The following DNAAF4 variants were observed in gnomAD, a reference collection of about 807,000 sequenced individuals.
The protein encoded by DNAAF4 is dynein axonemal assembly factor 4.
In DNAAF4, 43 loss-of-function variants were observed where a neutral mutation model predicts 51.8. That is an observed-to-expected ratio of 0.83 (90% confidence interval 0.65 to 1.07). DNAAF4 has a LOEUF of 1.07. Among genes scored for constraint, DNAAF4 ranks in the 50% least tolerant of loss-of-function variants. The probability of loss-of-function intolerance (pLI) is 0.00; values close to 1 mark genes in which losing one functional copy is unlikely to be tolerated. For synonymous variants in DNAAF4, 194 were observed against 165.6 expected, an observed-to-expected ratio of 1.17 and a Z score of -1.32; for missense variants, 581 against 493.0, an observed-to-expected ratio of 1.18 and a Z score of -1.69.
Position 55,443,271 on chromosome 15 carries a change from C to G in DNAAF4, c.784-3690G>C, listed in dbSNP as rs192340636. The G allele has an allele frequency of 1.5e-5, 23 of 1,563,508 alleles. No individual in the cohort carries two copies. The Admixed American group carries it at 3.9e-4, about 26-fold the overall frequency. ...AAAATGACCTCAGCGCGGGTTGCGG[C>G]TCACTACCCGGCAGGCGCCTGCCTA... On this transcript the variant is annotated intron_variant, in intron 6 of 9. Transcript: ENST00000321149.
At chr15:55,469,285 AAG>A (rs2058214415) in intron 4 of DNAAF4, among the ~76,000 whole-genome samples, 1 of 151,478 alleles carries the variant, frequency 6.6e-6, no homozygotes, top group African/African-American at 2.4e-5. Context: ...AGCCGAGATA[AAG>A]CCATTGCACT....
downstream of DNAAF4, among the ~76,000 whole-genome samples, chr15:55,427,346 G>A (rs140926481): frequency 4.4e-3 from 665 of 152,002 alleles, 4 homozygotes; most frequent in African/African-American, 0.015. Context: ...GATTACAGGC[G>A]TGAGCCACCG....
intron 5 of DNAAF4, among the ~76,000 whole-genome samples, chr15:55,452,042 T>A (rs2057940763): frequency 6.6e-6 from 1 of 150,746 alleles, no homozygotes; most frequent in African/African-American, 2.4e-5. Flanking sequence ...AGGTCAGGAG[T>A]TGGAGACCAG....
intron 6 of DNAAF4, among the ~76,000 whole-genome samples, chr15:55,440,466 C>T (rs2057691726): frequency 6.6e-6 from 1 of 152,018 alleles, no homozygotes; most frequent in Non-Finnish European, 1.5e-5. Context: ...GCAAGCTCTG[C>T]CTCCCAGGTT....
At chr15:55,487,709 A>G (rs1201388067) in intron 4 of DNAAF4, among the ~76,000 whole-genome samples, 1 of 152,036 alleles carries the variant, frequency 6.6e-6, no homozygotes, top group Non-Finnish European at 1.5e-5. Flanking sequence ...ACACACCATG[A>G]GGTATGCGGC....
intron 6 of DNAAF4, among the ~76,000 whole-genome samples, chr15:55,446,843 C>CGGT (rs1396529347): frequency 2.1e-5 from 3 of 144,272 alleles, no homozygotes; most frequent in Admixed American, 6.9e-5. Context: ...GATGGGGTGG[C>CGGT]CGGGCAGAGG....
exon 8 of DNAAF4, chr15:55,418,099 G>A: frequency 1.3e-6 from 2 of 1,584,822 alleles, no homozygotes; most frequent in Non-Finnish European, 1.7e-6. Context: ...GGGCTCAGAG[G>A]CCTGACATTC....
chr15:55,461,318 G>A (rs552040553), intron 5 of DNAAF4, among the ~76,000 whole-genome samples: 1 of 151,020 alleles, frequency 6.6e-6, no homozygotes, highest in Non-Finnish European at 1.5e-5. Context: ...GAATGGTCTC[G>A]ATCTCCTGAC....
At chr15:55,479,803 TG>T (rs2058383612) in intron 4 of DNAAF4, among the ~76,000 whole-genome samples, 1 of 152,088 alleles carries the variant, frequency 6.6e-6, no homozygotes, top group South Asian at 2.1e-4. Flanking sequence ...AGATACGCCC[TG>T]GTCTCCTGCA....
Position 55,451,045 on chromosome 15 carries a change from C to T in DNAAF4, c.638-678G>A, listed in dbSNP as rs534921680. 9.2e-5 allele frequency among the ~76,000 whole-genome samples: 14 copies of T among 152,200 alleles called. No homozygotes were observed. The South Asian group carries it at 2.3e-3, about 25-fold the overall frequency. On this transcript the variant is annotated intron_variant, in intron 5 of 9. Transcript: ENST00000321149. ...CTGGGAGGTGGAGGTTGCAGTTAGC[C>T]GAGATCGTGCCATACACTCCAGCCT...
chr15:55,430,042 C>A (rs1234795972), downstream of DNAAF4, among the ~76,000 whole-genome samples: 1 of 152,086 alleles, frequency 6.6e-6, no homozygotes, highest in Non-Finnish European at 1.5e-5. Context: ...CTATTTCACT[C>A]AAAAATTTAT....
intron 4 of DNAAF4, among the ~76,000 whole-genome samples, chr15:55,475,016 T>C (rs2058317386): frequency 6.6e-6 from 1 of 151,934 alleles, no homozygotes; most frequent in Admixed American, 6.6e-5. Flanking sequence ...TATAAGCAAG[T>C]CATATATGTG....
chr15:55,438,988 T>C (rs1056595001), intron 7 of DNAAF4, among the ~76,000 whole-genome samples: 5 of 152,214 alleles, frequency 3.3e-5, no homozygotes, highest in African/African-American at 1.2e-4. Flanking sequence ...TAGAGCCTCA[T>C]TGCCTTGTTA....
Position 55,435,037 on chromosome 15 carries a change from GTTTTC to G in DNAAF4, c.910_914del (p.Glu304LeufsTer9). On this transcript the variant is annotated frameshift_variant, in exon 8 of 10. Coordinates refer to ENST00000321149, the MANE Select transcript of DNAAF4 (RefSeq NM_130810.4). LOFTEE classifies it high-confidence loss of function. ...TATATGCATTGATAGCTGCCAAATA[GTTTTC>G]CGTTGCAAACAATTTGCTAATGAGA... The G allele has an allele frequency of 6.3e-7, 1 of 1,594,574 alleles. No individual in the cohort carries two copies. The highest frequency in any genetic ancestry group is 8.5e-7 in the Non-Finnish European group (1 of 1,174,286).
chr15:55,491,135 A>C lies in DNAAF4; in HGVS notation c.393T>G (p.Ser131Arg), dbSNP rs2058565934. The C allele has an allele frequency of 3.1e-6, 5 of 1,613,990 alleles. No homozygotes were observed. The highest frequency in any genetic ancestry group is 4.2e-6 in the Non-Finnish European group (5 of 1,179,988). The change falls in exon 4 of 10, where the codon AGT becomes AGG. Residue 131 changes from serine to arginine, a missense_variant. Ser to Arg is a moderately radical substitution (Grantham distance 110). Coordinates refer to ENST00000321149, the MANE Select transcript of DNAAF4 (RefSeq NM_130810.4). ...TTCTGCAACTTACCTTCATCATGAC[A>C]CTTAGTGCGTATTTTTGATCTTCCC... ...AKREDQKYAL[S>R]VMMKIEEEER...
chr15:55,423,491 AC>A (rs1057511553), intron 7 of DNAAF4, among the ~76,000 whole-genome samples: 5 of 151,908 alleles, frequency 3.3e-5, no homozygotes, highest in African/African-American at 4.8e-5. Context: ...TATAGGCATA[AC>A]CCACCACCTC....
chr15:55,490,088 G>A (rs1002643113), intron 4 of DNAAF4, among the ~76,000 whole-genome samples: 1 of 152,000 alleles, frequency 6.6e-6, no homozygotes, highest in African/African-American at 2.4e-5. Flanking sequence ...TGGCCAGGCT[G>A]GTGTTGAACT....
At chr15:55,473,217 ATATATGTGTGTGTG>A (rs1567023340) in intron 4 of DNAAF4, among the ~76,000 whole-genome samples, 30 of 117,806 alleles carry the variant, frequency 2.5e-4, no homozygotes, top group East Asian at 4.5e-4. Context: ...ATATATATAT[ATATATGTGTGTGTG>A]TATATATATA....
chr15:55,473,198 A>ATAT (rs1555418729), intron 4 of DNAAF4, among the ~76,000 whole-genome samples: 2 of 75,744 alleles, frequency 2.6e-5, no homozygotes, highest in South Asian at 9.8e-4. Context: ...AAAAAAAAAA[A>ATAT]ATATATATAT....
Sources: allele counts gnomAD v4.1 joint callset (sites outside exome capture counted in the v4.1 genomes callset), GRCh38; gene constraint gnomAD v4.1.1; transcripts MANE v1.5; gene names NCBI Gene and HGNC (gene_info 2026-07-23, HGNC 2026-07-21).